Variants in ACOXL observed in about 807,000 individuals in gnomAD.
ACOXL encodes acyl-coenzyme A oxidase-like protein.
ACOXL carries 70 observed loss-of-function variants against 71.9 expected under a neutral mutation model. The observed-to-expected ratio is 0.97, with a 90% CI of 0.80 to 1.19. ACOXL has a LOEUF of 1.19. Ranked by LOEUF, ACOXL falls within the 50% of genes most tolerant of loss-of-function variation. ACOXL has a pLI of 0.00. For missense variants in ACOXL, 703 were observed against 736.3 expected (o/e 0.95, Z 0.52); for synonymous variants, 253 against 281.6 (o/e 0.90, Z 1.02).
intron 11 of ACOXL, among the ~76,000 whole-genome samples, chr2:110,909,478 A>G (rs2059577227): frequency 6.6e-6 from 1 of 152,184 alleles, no homozygotes; most frequent in South Asian, 2.1e-4. Context: ...TCATCCCCGC[A>G]TTATAAAGAT....
At chr2:110,934,105 C>G (rs2060577498) in intron 12 of ACOXL, among the ~76,000 whole-genome samples, 1 of 152,194 alleles carries the variant, frequency 6.6e-6, no homozygotes, top group African/African-American at 2.4e-5. Context: ...TGGTGAGAAG[C>G]ACAAGGTGTT....
At chr2:111,026,517 T>G (rs1320158111) in intron 14 of ACOXL, among the ~76,000 whole-genome samples, 1 of 148,988 alleles carries the variant, frequency 6.7e-6, no homozygotes, top group Non-Finnish European at 1.5e-5. Flanking sequence ...AAAATATATT[T>G]TATAATATAA....
intron 10 of ACOXL, among the ~76,000 whole-genome samples, chr2:110,878,950 C>T (rs1048841513): frequency 6.6e-6 from 1 of 150,498 alleles, no homozygotes; most frequent in African/African-American, 2.5e-5. Flanking sequence ...TCCAGCTACT[C>T]GGGAGGCTGA....
chr2:110,785,264 A>G (rs1683812435), intron 3 of ACOXL, among the ~76,000 whole-genome samples: 1 of 152,182 alleles, frequency 6.6e-6, no homozygotes, highest in Non-Finnish European at 1.5e-5. Flanking sequence ...TCATGGTGAC[A>G]TCTTATGTAG....
chr2:110,902,285 C>T (rs1220825144), intron 10 of ACOXL, among the ~76,000 whole-genome samples: 6 of 152,070 alleles, frequency 3.9e-5, no homozygotes, highest in South Asian at 2.1e-4. Context: ...GCCTGGACAA[C>T]GTGATGAAAC....
chr2:111,030,568 A>C (rs1001080112), intron 14 of ACOXL, among the ~76,000 whole-genome samples: 1 of 152,178 alleles, frequency 6.6e-6, no homozygotes, highest in Non-Finnish European at 1.5e-5. Context: ...ACTGTGTTAC[A>C]GCAGGGATTT....
intron 17 of ACOXL, among the ~76,000 whole-genome samples, chr2:111,103,811 A>G (rs1385281583): frequency 1.3e-5 from 2 of 152,192 alleles, no homozygotes; most frequent in Non-Finnish European, 2.9e-5. Flanking sequence ...TAAATTCACA[A>G]TAATGCAGAG....
intron 9 of ACOXL, among the ~76,000 whole-genome samples, chr2:110,809,228 C>T (rs1687022900): frequency 6.6e-6 from 1 of 152,234 alleles, no homozygotes; most frequent in Admixed American, 6.5e-5. Context: ...GTATGTGCTT[C>T]ATGTGTACAC....
chr2:110,764,274 T>C (rs1055061196), intron 1 of ACOXL, among the ~76,000 whole-genome samples: 25 of 152,072 alleles, frequency 1.6e-4, no homozygotes, highest in Non-Finnish European at 2.4e-4. Context: ...TGTCTATCAG[T>C]AGTTGAATGG....
intron 16 of ACOXL, among the ~76,000 whole-genome samples, chr2:111,053,269 T>A (rs530924210): frequency 2.0e-5 from 3 of 152,326 alleles, no homozygotes; most frequent in Admixed American, 2.0e-4. Context: ...GTGAACTTGC[T>A]TGGAGCCCCA....
intron 11 of ACOXL, among the ~76,000 whole-genome samples, chr2:110,925,545 C>T (rs2060237826): frequency 6.6e-6 from 1 of 152,194 alleles, no homozygotes; most frequent in Non-Finnish European, 1.5e-5. Context: ...TCTTTTGTAG[C>T]TTCCTCACTT....
intron 1 of ACOXL, among the ~76,000 whole-genome samples, chr2:110,756,248 TC>T (rs1420378972): frequency 6.6e-6 from 1 of 152,134 alleles, no homozygotes; most frequent in East Asian, 1.9e-4. Context: ...TGTCTCAGCC[TC>T]CCGAGTAGCT....
intron 13 of ACOXL, among the ~76,000 whole-genome samples, chr2:110,988,627 A>AC (rs558607354): frequency 3.4e-4 from 51 of 151,984 alleles, no homozygotes; most frequent in African/African-American, 1.2e-3. Flanking sequence ...ATAAATTTAC[A>AC]CCCCCATTAG....
At chr2:110,988,612 G>A (rs1335069825) in intron 13 of ACOXL, among the ~76,000 whole-genome samples, 1 of 152,010 alleles carries the variant, frequency 6.6e-6, no homozygotes, top group African/African-American at 2.4e-5. Context: ...TTTCAAGGTG[G>A]TTGTATAAAT....
intron 12 of ACOXL, among the ~76,000 whole-genome samples, chr2:110,972,721 C>T (rs1423955196): frequency 3.3e-5 from 5 of 151,916 alleles, no homozygotes; most frequent in African/African-American, 4.8e-5. Context: ...GGCTGAAGTC[C>T]AGAGGAAACC....
At chr2:111,060,073 A>G (rs751096731) in intron 16 of ACOXL, among the ~76,000 whole-genome samples, 4 of 152,198 alleles carry the variant, frequency 2.6e-5, no homozygotes, top group Non-Finnish European at 5.9e-5. Context: ...CGAGACTACA[A>G]TGAGGCAATG....
At position 110,790,623 on chromosome 2, in the gene ACOXL, G is replaced by C. The variant is rs186961528; in HGVS notation, c.160-3027G>C. Among the ~76,000 whole-genome samples the C allele has an allele frequency of 3.0e-3, 460 of 152,278 alleles. 1 individual carries two copies. The highest frequency in any genetic ancestry group is 4.8e-3 in the Non-Finnish European group (324 of 68,018). On this transcript the variant is annotated intron_variant, in intron 3 of 17. Transcript: ENST00000439055. The stretch of plus-strand genomic sequence containing the variant: ...TTCTCTCTTACCACTGCTTTTCGCA[G>C]TCTCTCTCAGAGCAAATGGTCCTCT...
intron 10 of ACOXL, among the ~76,000 whole-genome samples, chr2:110,904,119 A>T (rs2059350900): frequency 6.6e-6 from 1 of 151,962 alleles, no homozygotes; most frequent in Admixed American, 6.6e-5. Context: ...GTGCTTGGGG[A>T]TTGTCAGGGT....
At chr2:110,820,212 G>A (rs1285820128) in intron 9 of ACOXL, among the ~76,000 whole-genome samples, 1 of 152,106 alleles carries the variant, frequency 6.6e-6, no homozygotes, top group Non-Finnish European at 1.5e-5. Flanking sequence ...TGAGTGCTGT[G>A]GGGTTGAGGA....
Sources: gnomAD v4.1 joint callset for allele counts (sites outside exome capture counted in the v4.1 genomes callset) on GRCh38, gnomAD v4.1.1 for gene constraint, MANE v1.5 for transcripts, NCBI Gene and HGNC (gene_info 2026-07-23, HGNC 2026-07-21) for gene names.